The following FGF13 variants were observed in gnomAD, a reference collection of about 807,000 sequenced individuals.
The protein encoded by FGF13 is fibroblast growth factor 13, also known as fibroblast growth factor homologous factor 2.
Under a neutral mutation model 19.5 loss-of-function variants are expected in FGF13, and 2 were observed. That is an observed-to-expected ratio of 0.10 (90% CI 0.04 to 0.32). The LOEUF (loss-of-function observed/expected upper bound fraction) is 0.32. Ranked by LOEUF, FGF13 falls within the 10% of genes least tolerant of loss-of-function variation. The pLI is 1.00. For synonymous variants in FGF13, 72 were observed against 76.9 expected, an observed-to-expected ratio of 0.94 and a Z score of 0.33; for missense variants, 113 against 192.7, an observed-to-expected ratio of 0.59 and a Z score of 2.45.
intron 1 of FGF13, among the ~76,000 whole-genome samples, chrX:139,127,163 C>G (rs1302805796): frequency 9.0e-6 from 1 of 111,678 alleles, no homozygotes; most frequent in Non-Finnish European, 1.9e-5. Flanking sequence ...CCTTGAGCAA[C>G]TTAGGCCTCA....
At chrX:139,073,559 T>C (rs2092383538) in intron 1 of FGF13, among the ~76,000 whole-genome samples, 1 of 111,454 alleles carries the variant, frequency 9.0e-6, no homozygotes, top group Non-Finnish European at 1.9e-5. Context: ...CCCTGGTTTC[T>C]AACTTTAGCC....
rs1245251273 is a variant in FGF13, at chrX:138,668,262, T to TAATA, written c.403-32611_403-32608dup. 4.5e-5 allele frequency among the ~76,000 whole-genome samples: 5 copies of TAATA among 111,737 alleles called. No individual in the cohort carries two copies. In the East Asian group the frequency reaches 8.5e-4, roughly 19 times the overall value. On this transcript the variant is annotated intron_variant, in intron 3 of 4. Transcript: ENST00000315930. ...TGAGGAAACTAAAGGACAGATGGAT[T>TAATA]AATAATTCCTTTGCCCCAAATCATA...
Position 139,046,926 on chromosome X carries a change from T to G in FGF13, c.-113+156490A>C, listed in dbSNP as rs964414298. On this transcript the variant is annotated intron_variant, in intron 1 of 2. Coordinates refer to the FGF13 transcript ENST00000421460. ...CCCTCCAGGGTCTACTAAGCCAGGC[T>G]GAGTATCTGCTTTGATAATACAAGA... 5.4e-5 allele frequency among the ~76,000 whole-genome samples: 6 copies of G among 111,804 alleles called. 1 individual carries two copies. Among genetic ancestry groups the G allele is most frequent in the African/African-American group, 2.0e-4 (6 of 30,643 alleles).
At chrX:139,176,039 T>A (rs2084180108) in intron 1 of FGF13, among the ~76,000 whole-genome samples, 1 of 111,948 alleles carries the variant, frequency 8.9e-6, no homozygotes, top group Non-Finnish European at 1.9e-5. Flanking sequence ...CCTGGGCTTC[T>A]TTTGGTTGGT....
At chrX:138,935,270 G>A (rs1434451597) in intron 1 of FGF13, among the ~76,000 whole-genome samples, 2 of 111,121 alleles carry the variant, frequency 1.8e-5, no homozygotes, top group African/African-American at 6.6e-5. Flanking sequence ...GACGCTGAGC[G>A]TTTGAGGATT....
chrX:139,164,755 A>C (rs1302080454), intron 1 of FGF13, among the ~76,000 whole-genome samples: 1 of 111,312 alleles, frequency 9.0e-6, no homozygotes, highest in African/African-American at 3.3e-5. Flanking sequence ...AAATACATTC[A>C]CAGCAACATT....
intron 1 of FGF13, among the ~76,000 whole-genome samples, chrX:138,884,092 C>A (rs187451683): frequency 9.0e-6 from 1 of 111,513 alleles, no homozygotes; most frequent in East Asian, 2.8e-4. Context: ...ACTCCATTTC[C>A]TAATTCACAG....
At chrX:138,648,358 C>A (rs2089329615) in intron 3 of FGF13, among the ~76,000 whole-genome samples, 1 of 111,518 alleles carries the variant, frequency 9.0e-6, no homozygotes, top group Non-Finnish European at 1.9e-5. Context: ...ATCTAAACTC[C>A]CTGGCCGGGC....
intron 3 of FGF13, among the ~76,000 whole-genome samples, chrX:138,778,400 G>T (rs2090607091): frequency 8.9e-6 from 1 of 111,852 alleles, no homozygotes; most frequent in African/African-American, 3.3e-5. Flanking sequence ...TCCATCTGAG[G>T]TACCGGGTTC....
At chrX:138,817,999 T>C (rs1396104295) in intron 3 of FGF13, among the ~76,000 whole-genome samples, 1 of 111,422 alleles carries the variant, frequency 9.0e-6, no homozygotes, top group Non-Finnish European at 1.9e-5. Flanking sequence ...GATCAGGCTT[T>C]TGGGCCACAG....
chrX:138,830,424 A>T (rs914851231), intron 3 of FGF13, among the ~76,000 whole-genome samples: 1 of 111,885 alleles, frequency 8.9e-6, no homozygotes, highest in African/African-American at 3.3e-5. Flanking sequence ...CATCCTTGTT[A>T]TATAATTTTA....
At chrX:138,959,137 C>A (rs1307819873) in intron 1 of FGF13, among the ~76,000 whole-genome samples, 3 of 111,711 alleles carry the variant, frequency 2.7e-5, no homozygotes, top group African/African-American at 6.5e-5. Context: ...TAGATCTTTC[C>A]TGCTTTCTCT....
At chrX:139,003,093 G>A (rs1405704024) in intron 1 of FGF13, among the ~76,000 whole-genome samples, 4 of 112,066 alleles carry the variant, frequency 3.6e-5, no homozygotes, top group South Asian at 7.6e-4. Context: ...GAATGAAGCC[G>A]CGGACCCTCG....
chrX:138,653,685 G>A (rs2124135436), intron 3 of FGF13, among the ~76,000 whole-genome samples: 1 of 111,320 alleles, frequency 9.0e-6, no homozygotes. Context: ...CCTGACCTAA[G>A]AGCAGTGCAG....
intron 3 of FGF13, among the ~76,000 whole-genome samples, chrX:138,820,470 G>C (rs2090992056): frequency 8.9e-6 from 1 of 111,861 alleles, no homozygotes; most frequent in South Asian, 3.7e-4. Flanking sequence ...GGGTCATTAA[G>C]TTTCTGTTGG....
intron 1 of FGF13, among the ~76,000 whole-genome samples, chrX:139,157,416 A>G (rs150395237): frequency 3.8e-4 from 43 of 112,010 alleles, no homozygotes; most frequent in Middle Eastern, 4.6e-3. Flanking sequence ...TTGGAAACTT[A>G]ATACTTCTAC....
intron 1 of FGF13, among the ~76,000 whole-genome samples, chrX:138,952,524 C>T (rs1306888617): frequency 1.8e-5 from 2 of 111,672 alleles, no homozygotes; most frequent in Admixed American, 1.9e-4. Context: ...TGGGCAAGGA[C>T]TTCATGTCTA....
rs2089043204 is a variant in FGF13, at chrX:138,624,792, C to T, written c.*8058G>A. ...AGGCTGTGGTGAGACATGATCACAC[C>T]ACTGCACTCCAGCCTGGGTGACAGA... On this transcript the variant is annotated 3_prime_UTR_variant, in exon 5 of 5. Coordinates refer to ENST00000315930, the MANE Select transcript of FGF13 (RefSeq NM_004114.5). The T allele has an allele frequency of 9.0e-6, 1 of 111,410 alleles. No homozygotes were observed. The highest frequency in any genetic ancestry group is 9.5e-5 in the Admixed American group (1 of 10,494). The allele number at this position is 111,410 out of a possible 1,213,427, so 9.2% of individuals were successfully genotyped here. A position where few individuals can be genotyped will look rare whatever the true frequency, so the allele number is the denominator to read the frequency against.
At chrX:138,857,870 A>T (rs2124141185) in intron 2 of FGF13, among the ~76,000 whole-genome samples, 1 of 112,455 alleles carries the variant, frequency 8.9e-6, no homozygotes, top group East Asian at 2.8e-4. Context: ...CCGTGGAAAT[A>T]GCTACTCGAC....
Sources: allele counts gnomAD v4.1 joint callset (sites outside exome capture counted in the v4.1 genomes callset), GRCh38; gene constraint gnomAD v4.1.1; transcripts MANE v1.5; gene names NCBI Gene and HGNC (gene_info 2026-07-23, HGNC 2026-07-21).